RAP1GDS1: variants seen among roughly 807,000 people sequenced by gnomAD.
RAP1GDS1 encodes RAP1, GTP-GDP dissociation stimulator 1.
In RAP1GDS1, 35 loss-of-function variants were observed where a neutral mutation model predicts 71.1. That is an observed-to-expected ratio of 0.49 (90% CI 0.38 to 0.65). RAP1GDS1 has a LOEUF of 0.65. RAP1GDS1 is among the 30% of genes least tolerant of loss of function. RAP1GDS1 has a pLI of 0.00. For synonymous variants in RAP1GDS1, 229 were observed against 243.1 expected (o/e 0.94, Z 0.54); for missense variants, 663 against 706.1 (o/e 0.94, Z 0.69).
chr4:98,338,730 T>C (rs905603371), intron 2 of RAP1GDS1, among the ~76,000 whole-genome samples: 12 of 152,252 alleles, frequency 7.9e-5, no homozygotes, highest in African/African-American at 2.4e-5. Context: ...AATACACTTT[T>C]AACCTAATAG....
chr4:98,319,431 G>C (rs1350992996), intron 2 of RAP1GDS1, among the ~76,000 whole-genome samples: 3 of 152,124 alleles, frequency 2.0e-5, no homozygotes, highest in Non-Finnish European at 4.4e-5. Context: ...TTGGTTTACT[G>C]ATATTTTTTC....
chr4:98,283,817 ATTTTT>A (rs10582639), intron 1 of RAP1GDS1, among the ~76,000 whole-genome samples: 3 of 133,964 alleles, frequency 2.2e-5, no homozygotes, highest in South Asian at 2.4e-4. Flanking sequence ...TTTCATTGTG[ATTTTT>A]TTTTTTTTTT....
intron 7 of RAP1GDS1, among the ~76,000 whole-genome samples, chr4:98,413,875 G>C (rs1352544058): frequency 6.6e-6 from 1 of 151,282 alleles, no homozygotes; most frequent in Non-Finnish European, 1.5e-5. Context: ...ATCCTCTCCA[G>C]CACCTGTTGT....
rs1189545122 is a variant in RAP1GDS1, at chr4:98,324,453, G to A, written c.113-18686G>A. Among the ~76,000 whole-genome samples, 30 of 150,766 alleles carry A rather than the reference G, an allele frequency of 2.0e-4. No homozygotes were observed. In the South Asian group the frequency reaches 5.6e-3, roughly 28 times the overall value. On this transcript the variant is annotated intron_variant, in intron 2 of 14. Coordinates refer to ENST00000408927, the MANE Select transcript of RAP1GDS1 (RefSeq NM_001100427.2). Reference sequence around the variant, plus strand: ...TTCATATGGAACCAAGAAAGAGCCCGCATCGCCAAGTCAATCCTAAGCCAA... The same window carrying A: ...TTCATATGGAACCAAGAAAGAGCCCACATCGCCAAGTCAATCCTAAGCCAA...
chr4:98,345,080 G>A (rs575633137), intron 3 of RAP1GDS1, among the ~76,000 whole-genome samples: 6 of 152,110 alleles, frequency 3.9e-5, no homozygotes, highest in Non-Finnish European at 7.4e-5. Flanking sequence ...GGATCCTCCC[G>A]CCTTGGCCTC....
chr4:98,346,078 C>A (rs140814470), intron 3 of RAP1GDS1, among the ~76,000 whole-genome samples: 61 of 152,328 alleles, frequency 4.0e-4, no homozygotes, highest in South Asian at 8.3e-4. Flanking sequence ...ATCAGGGACT[C>A]AAGAGTGGGC....
chr4:98,296,077 G>A (rs1054382156), intron 2 of RAP1GDS1, among the ~76,000 whole-genome samples: 5 of 151,804 alleles, frequency 3.3e-5, no homozygotes, highest in African/African-American at 4.8e-5. Flanking sequence ...AGAGCTTCTC[G>A]TTTCATAATT....
intron 1 of RAP1GDS1, among the ~76,000 whole-genome samples, chr4:98,288,640 TC>T (rs1394234443): frequency 6.6e-6 from 1 of 152,182 alleles, no homozygotes; most frequent in Non-Finnish European, 1.5e-5. Flanking sequence ...TGGTTTACCG[TC>T]CCACCAACAG....
chr4:98,391,049 A>G (rs1357293966), intron 5 of RAP1GDS1, among the ~76,000 whole-genome samples: 4 of 152,156 alleles, frequency 2.6e-5, no homozygotes, highest in African/African-American at 9.6e-5. Context: ...ATGGACAGTT[A>G]TAGTGTTTTG....
chr4:98,307,509 A>T (rs1362865804), intron 2 of RAP1GDS1, among the ~76,000 whole-genome samples: 1 of 152,174 alleles, frequency 6.6e-6, no homozygotes. Context: ...ATCTAAGGGC[A>T]TAGATTGTAT....
intron 1 of RAP1GDS1, among the ~76,000 whole-genome samples, chr4:98,277,270 A>G (rs1724359072): frequency 6.6e-6 from 1 of 152,184 alleles, no homozygotes; most frequent in African/African-American, 2.4e-5. Context: ...GAGATACTAG[A>G]CTTTCTGCTC....
rs115819450 is a variant in RAP1GDS1, at chr4:98,276,830, G to T, written c.4+15261G>T. ...AAGTCACATTTTTGACTTTTCAAAA[G>T]AAGTCAGAAACCAGATTTTTAAGTC... On this transcript the variant is annotated intron_variant, in intron 1 of 14. Coordinates refer to ENST00000408927, the MANE Select transcript of RAP1GDS1 (RefSeq NM_001100427.2). 9.8e-3 allele frequency among the ~76,000 whole-genome samples: 1,485 copies of T among 152,284 alleles called. 19 individuals carry two copies. Among genetic ancestry groups the T allele is most frequent in the African/African-American group, 0.032 (1,325 of 41,560 alleles).
chr4:98,267,092 T>C (rs147983328), intron 1 of RAP1GDS1, among the ~76,000 whole-genome samples: 1 of 152,334 alleles, frequency 6.6e-6, no homozygotes, highest in African/African-American at 2.4e-5. Flanking sequence ...AAGTTTAATT[T>C]AAAATACATG....
intron 2 of RAP1GDS1, among the ~76,000 whole-genome samples, chr4:98,306,549 C>T (rs1231783286): frequency 6.6e-6 from 1 of 152,092 alleles, no homozygotes; most frequent in African/African-American, 2.4e-5. Flanking sequence ...CCACTATGTC[C>T]TGAATGTGTT....
chr4:98,351,075 G>A (rs965578961), intron 3 of RAP1GDS1, among the ~76,000 whole-genome samples: 11 of 152,164 alleles, frequency 7.2e-5, no homozygotes, highest in African/African-American at 2.7e-4. Flanking sequence ...AGGTAGATAA[G>A]CAGATTGATG....
At chr4:98,288,277 C>T (rs980180115) in intron 1 of RAP1GDS1, among the ~76,000 whole-genome samples, 6 of 152,034 alleles carry the variant, frequency 3.9e-5, no homozygotes, top group Non-Finnish European at 5.9e-5. Flanking sequence ...TGAGAACATG[C>T]GGTGTTTGGT....
chr4:98,359,946 G>A (rs149574413), intron 4 of RAP1GDS1, among the ~76,000 whole-genome samples: 41 of 152,198 alleles, frequency 2.7e-4, no homozygotes, highest in Non-Finnish European at 4.7e-4. Flanking sequence ...TGGTTTTTGC[G>A]TAGCACTGCA....
chr4:98,328,768 C>G (rs140217513), intron 2 of RAP1GDS1, among the ~76,000 whole-genome samples: 1 of 152,142 alleles, frequency 6.6e-6, no homozygotes, highest in Non-Finnish European at 1.5e-5. Flanking sequence ...CTGCAACCTC[C>G]ACGTCCTGGG....
intron 1 of RAP1GDS1, among the ~76,000 whole-genome samples, chr4:98,278,970 C>A (rs1202710870): frequency 6.6e-6 from 1 of 152,098 alleles, no homozygotes; most frequent in Non-Finnish European, 1.5e-5. Context: ...CGCCTGTAAT[C>A]CCAGCACTTT....
Sources: allele counts gnomAD v4.1 joint callset (sites outside exome capture counted in the v4.1 genomes callset), GRCh38; gene constraint gnomAD v4.1.1; transcripts MANE v1.5; gene names NCBI Gene and HGNC (gene_info 2026-07-23, HGNC 2026-07-21).